The following HIVEP1 variants were observed in gnomAD, a reference collection of about 807,000 sequenced individuals.
The protein encoded by HIVEP1 is zinc finger protein 40.
In HIVEP1, 36 loss-of-function variants were observed where a neutral mutation model predicts 180.0. That is an observed-to-expected ratio of 0.20 (90% CI 0.15 to 0.26). HIVEP1 has a LOEUF of 0.26. Ranked by LOEUF, HIVEP1 falls within the 10% of genes least tolerant of loss-of-function variation. The pLI is 1.00. For synonymous variants in HIVEP1, 1,239 were observed against 1,239.0 expected (o/e 1.00, Z 0.00); for missense variants, 3,143 against 3,268.7 (o/e 0.96, Z 0.94).
chr6:12,056,445 A>G (rs1013350371), intron 2 of HIVEP1, among the ~76,000 whole-genome samples: 1 of 152,012 alleles, frequency 6.6e-6, no homozygotes, highest in Non-Finnish European at 1.5e-5. Flanking sequence ...TTTTTTGTTC[A>G]TTTATTTGTT....
chr6:12,119,361 T>G (rs141783055), intron 3 of HIVEP1, among the ~76,000 whole-genome samples: 16 of 152,308 alleles, frequency 1.1e-4, no homozygotes, highest in Middle Eastern at 3.4e-3. Flanking sequence ...ATACTGGCTT[T>G]GATATCAGAA....
intron 3 of HIVEP1, among the ~76,000 whole-genome samples, chr6:12,091,766 A>C (rs1490349634): frequency 6.6e-6 from 1 of 152,140 alleles, no homozygotes; most frequent in Non-Finnish European, 1.5e-5. Context: ...GGATAGAGAT[A>C]AGGATGCAAC....
chr6:12,152,195 C>A (rs1759747195), intron 7 of HIVEP1, among the ~76,000 whole-genome samples: 3 of 152,166 alleles, frequency 2.0e-5, no homozygotes, highest in South Asian at 4.2e-4. Flanking sequence ...AACAAAAAAA[C>A]CAGTTACTCA....
the HIVEP1 span, among the ~76,000 whole-genome samples, chr6:12,204,360 T>TCCCCTTCCCTGTCTTCCTCTTTTACCTC: frequency 6.0e-5 from 9 of 150,528 alleles, no homozygotes; most frequent in African/African-American, 2.2e-4. Context: ...TCAAGCTTCC[T>TCCCCTTCCCTGTCTTCCTCTTTTACCTC]CCCTTCCCCG....
chr6:12,121,271 T>C lies in HIVEP1; in HGVS notation c.1476T>C (p.Ser492=). The C allele has an allele frequency of 1.2e-6, 2 of 1,613,944 alleles. No individual in the cohort carries two copies. The highest frequency in any genetic ancestry group is 1.7e-5 in the Admixed American group (1 of 59,986). ...ALSIHSDVED[S]GESEEEGATD... is the part of the protein sequence containing the mutation. ...GTATTCATTCAGACGTAGAAGACAG[T>C]GGGGAGAGCGAGGAGGAAGGCGCCA... The change falls in exon 4 of 9, where the codon AGT becomes AGC. Residue 492 remains serine (S), a synonymous_variant. Transcript: ENST00000379388. This position sits in a 1 kb window ranked among gnomAD's most constrained non-coding sequence, Gnocchi z 5.3.
At chr6:12,181,341 C>A in the HIVEP1 span, among the ~76,000 whole-genome samples, 2 of 151,892 alleles carry the variant, frequency 1.3e-5, no homozygotes, top group Non-Finnish European at 2.9e-5. Flanking sequence ...GCCTGGGCAA[C>A]AGAGTGAGAC....
chr6:12,141,181 A>G (rs1205759860), intron 7 of HIVEP1, among the ~76,000 whole-genome samples: 1 of 152,158 alleles, frequency 6.6e-6, no homozygotes, highest in African/African-American at 2.4e-5. Flanking sequence ...CTCGGCAGAA[A>G]CTCTACAAGC....
In HIVEP1 at chr6:12,120,803, A is replaced by T. The variant is rs924545432; in HGVS notation, c.1008A>T (p.Leu336=). 3.7e-6 allele frequency: 6 copies of T among 1,614,070 alleles called. No individual in the cohort carries two copies. The highest frequency in any genetic ancestry group is 1.7e-5 in the Admixed American group (1 of 60,008). The change falls in exon 4 of 9, where the codon CTA becomes CTT. Residue 336 remains leucine (L), a synonymous_variant. Transcript: ENST00000379388. ...TAGCAGTGACATCATCTGTAGGCCT[A>T]ACTTCACCTTCCAGTAGATCTCAGG... is the stretch of plus-strand genomic sequence containing the variant. ...YNIAVTSSVG[L]TSPSSRSQVT...
Position 12,123,274 on chromosome 6 carries a change from T to C in HIVEP1, c.3479T>C (p.Val1160Ala). 6.2e-7 allele frequency: 1 copy of C among 1,614,160 alleles called. No individual in the cohort carries two copies. Among genetic ancestry groups the C allele is most frequent in the Non-Finnish European group, 8.5e-7 (1 of 1,180,030 alleles). ...KPEPFERASP[V>A]SFQELNRTGK... ...GAGCCTTTTGAAAGAGCCTCCCCAG[T>C]TTCTTTCCAGGAGCTGAATAGAACG... Residue 1160 changes from valine (V) to alanine (A), a missense_variant, in exon 4 of 9, where the codon GTT (valine) becomes GCT (alanine). Physicochemically the swap from Val to Ala is moderately conservative, Grantham distance 64. Around this residue, in one of 12 missense-constraint regions of HIVEP1, gnomAD observed 1,357 missense variants for 1,260.5 expected, o/e 1.08. Coordinates refer to ENST00000379388, the MANE Select transcript of HIVEP1 (RefSeq NM_002114.4).
chr6:12,157,054 T>C (rs1414325306), intron 7 of HIVEP1, among the ~76,000 whole-genome samples: 5 of 152,228 alleles, frequency 3.3e-5, no homozygotes, highest in Admixed American at 2.6e-4. Context: ...TATCATTATG[T>C]AATGCTCCTG....
the HIVEP1 span, among the ~76,000 whole-genome samples, chr6:12,200,317 C>A: frequency 3.3e-5 from 5 of 152,214 alleles, no homozygotes; most frequent in Admixed American, 3.3e-4. Context: ...AATCTGTATG[C>A]AATTAAAATT....
At chr6:12,133,390 C>T (rs375907933) in intron 6 of HIVEP1, among the ~76,000 whole-genome samples, 1 of 152,084 alleles carries the variant, frequency 6.6e-6, no homozygotes, top group African/African-American at 2.4e-5. Flanking sequence ...CCAGAGGATT[C>T]AGATAAATGT....
chr6:12,046,065 A>G (rs1243797107), intron 2 of HIVEP1, among the ~76,000 whole-genome samples: 1 of 152,236 alleles, frequency 6.6e-6, no homozygotes, highest in Non-Finnish European at 1.5e-5. Context: ...ATCACCCACA[A>G]TTCACTGGGA....
chr6:12,051,430 CA>C (rs1379561208), intron 2 of HIVEP1, among the ~76,000 whole-genome samples: 5 of 151,984 alleles, frequency 3.3e-5, no homozygotes, highest in African/African-American at 7.3e-5. Context: ...AAGATACTGT[CA>C]AAAAAGTCCA....
At chr6:12,109,116 A>C (rs1359799118) in intron 3 of HIVEP1, among the ~76,000 whole-genome samples, 1 of 152,096 alleles carries the variant, frequency 6.6e-6, no homozygotes, top group African/African-American at 2.4e-5. Context: ...AGTACCTGGG[A>C]CTACAGGCGC....
chr6:12,175,270 T>G, the HIVEP1 span, among the ~76,000 whole-genome samples: 1 of 152,220 alleles, frequency 6.6e-6, no homozygotes, highest in Non-Finnish European at 1.5e-5. Context: ...TTAGCTTAAT[T>G]TTTTTAAGTA....
chr6:12,035,293 T>C (rs964398884), intron 2 of HIVEP1, among the ~76,000 whole-genome samples: 5 of 152,214 alleles, frequency 3.3e-5, no homozygotes, highest in Non-Finnish European at 7.3e-5. Context: ...CAGATAGGAC[T>C]TACTGGAAGT....
At chr6:12,111,763 T>G (rs1445108512) in intron 3 of HIVEP1, among the ~76,000 whole-genome samples, 1 of 152,224 alleles carries the variant, frequency 6.6e-6, no homozygotes, top group Non-Finnish European at 1.5e-5. Flanking sequence ...TAATTAAATT[T>G]GAAAGAGTCC....
chr6:12,011,274 CCCCCCCCCCCGCCT>C (rs1418295284), upstream of HIVEP1, among the ~76,000 whole-genome samples: 95 of 111,414 alleles, frequency 8.5e-4, no homozygotes, highest in Middle Eastern at 9.2e-3. Flanking sequence ...TTGGGGTCCC[CCCCCCCCCCCGCCT>C]CCCCCTCCCC....
Sources: allele counts gnomAD v4.1 joint callset (sites outside exome capture counted in the v4.1 genomes callset), GRCh38; gene constraint gnomAD v4.1.1; regional missense constraint gnomAD v4.1.1; non-coding constraint Gnocchi (gnomAD v3.1); transcripts MANE v1.5; gene names NCBI Gene and HGNC (gene_info 2026-07-23, HGNC 2026-07-21).